TENM1: variants seen among roughly 807,000 people sequenced by gnomAD.
TENM1 encodes the protein teneurin-1.
In TENM1, 35 loss-of-function variants were observed where a neutral mutation model predicts 174.8. The observed-to-expected ratio is 0.20, with a 90% confidence interval of 0.15 to 0.27. TENM1 has a LOEUF of 0.27. TENM1 is among the 10% of genes least tolerant of loss of function. The pLI, the probability that TENM1 is intolerant of heterozygous loss-of-function variation, is 1.00. For missense variants in TENM1, 1,633 were observed against 2,130.1 expected (o/e 0.77, Z 4.59); for synonymous variants, 781 against 798.7 (o/e 0.98, Z 0.37).
chrX:125,166,875 A>G, the TENM1 span, among the ~76,000 whole-genome samples: 1 of 111,686 alleles, frequency 9.0e-6, no homozygotes, highest in Non-Finnish European at 1.9e-5. Flanking sequence ...AGATACCTAT[A>G]TAAAGCAAAC....
chrX:124,863,786 C>T (rs1296639593), intron 3 of TENM1, among the ~76,000 whole-genome samples: 5 of 112,476 alleles, frequency 4.4e-5, no homozygotes, highest in Admixed American at 9.4e-5. Context: ...TGGTTAAAGC[C>T]AGCCTTGGGT....
At chrX:124,478,505 G>A (rs941586383) in intron 22 of TENM1, among the ~76,000 whole-genome samples, 10 of 111,905 alleles carry the variant, frequency 8.9e-5, no homozygotes, top group Non-Finnish European at 1.7e-4. Context: ...TTTTAGAACA[G>A]ATTTAGAGAG....
chrX:124,656,834 C>G (rs1387709129), intron 6 of TENM1, among the ~76,000 whole-genome samples: 4 of 111,104 alleles, frequency 3.6e-5, no homozygotes, highest in African/African-American at 1.3e-4. Flanking sequence ...TTTTTTGAGG[C>G]CAGGTGCGGT....
intron 1 of TENM1, among the ~76,000 whole-genome samples, chrX:124,929,807 T>C (rs1014656721): frequency 8.9e-6 from 1 of 112,011 alleles, no homozygotes; most frequent in African/African-American, 3.2e-5. Flanking sequence ...ACTCTGAGAG[T>C]CAAAAATTAG....
chrX:124,946,273 T>G (rs1484789355), intron 1 of TENM1, among the ~76,000 whole-genome samples: 1 of 111,973 alleles, frequency 8.9e-6, no homozygotes, highest in African/African-American at 3.3e-5. Context: ...ACAGATATGT[T>G]AAGTTTGAGA....
rs145205665 is a variant in TENM1 at position 124,771,036 on chromosome X, G to C, written c.536-33839C>G. Among the ~76,000 whole-genome samples the C allele has an allele frequency of 6.6e-4, 73 of 111,350 alleles. No homozygotes were observed. In the East Asian group the frequency reaches 0.019, roughly 28 times the overall value. On this transcript the variant is annotated intron_variant, in intron 3 of 31. Coordinates refer to ENST00000422452, the Ensembl canonical transcript of TENM1. ...ACTTTTTCTTTGATTTAAAATTCTA[G>C]TTCTATATGTATAGTTATTATTTAT...
the TENM1 span, among the ~76,000 whole-genome samples, chrX:125,099,766 A>AT: frequency 8.9e-6 from 1 of 112,219 alleles, no homozygotes; most frequent in African/African-American, 3.2e-5. Flanking sequence ...CAACTCATAA[A>AT]TACAAAATCT....
chrX:124,423,334 T>G (rs909649111), intron 23 of TENM1, among the ~76,000 whole-genome samples: 1 of 112,001 alleles, frequency 8.9e-6, no homozygotes, highest in Admixed American at 9.5e-5. Context: ...GTTCCCCTTT[T>G]TAGCAAAGAA....
chrX:124,437,104 ATTTTTTT>A (rs35632932), intron 23 of TENM1, among the ~76,000 whole-genome samples: 5 of 34,915 alleles, frequency 1.4e-4, no homozygotes, highest in African/African-American at 4.9e-4. Flanking sequence ...TGCTCGGCTA[ATTTTTTT>A]TTTTTTTTTT....
At chrX:124,654,901 G>T (rs942670467) in intron 6 of TENM1, among the ~76,000 whole-genome samples, 1 of 111,502 alleles carries the variant, frequency 9.0e-6, no homozygotes, top group African/African-American at 3.3e-5. Flanking sequence ...TGCCCAAACA[G>T]CTCATATAGA....
intron 1 of TENM1, among the ~76,000 whole-genome samples, chrX:124,907,098 C>T (rs191631953): frequency 1.8e-4 from 20 of 111,634 alleles, no homozygotes; most frequent in African/African-American, 6.2e-4. Flanking sequence ...AAAGATGTTT[C>T]TAGAAAATAC....
chrX:124,530,255 T>C (rs1647683448), intron 15 of TENM1, among the ~76,000 whole-genome samples: 1 of 110,335 alleles, frequency 9.1e-6, no homozygotes, highest in African/African-American at 3.3e-5. Flanking sequence ...CCTTAATATA[T>C]CATTTTTGTT....
At chrX:125,073,326 T>C in the TENM1 span, among the ~76,000 whole-genome samples, 1 of 111,476 alleles carries the variant, frequency 9.0e-6, no homozygotes, top group Admixed American at 9.6e-5. Context: ...TAAAACGTAA[T>C]GGGTGATCAA....
rs1303051281 is a variant in TENM1 at position 124,638,199 on chromosome X, G to C, written c.2077+3592C>G. Among the ~76,000 whole-genome samples the C allele has an allele frequency of 2.7e-5, 3 of 111,042 alleles. No individual in the cohort carries two copies. The Admixed American group carries it at 2.9e-4, about 11-fold the overall frequency. On this transcript the variant is annotated intron_variant, in intron 11 of 31. Transcript: ENST00000422452. ...GAGAGAAGGAGGGGGCAACATACAG[G>C]CATGTTCATAATTACCCTTTTCCTC...
At chrX:124,847,556 ATG>A (rs370189803) in intron 3 of TENM1, among the ~76,000 whole-genome samples, 1 of 109,926 alleles carries the variant, frequency 9.1e-6, no homozygotes, top group Non-Finnish European at 1.9e-5. Flanking sequence ...AATTAATTGA[ATG>A]TGTGTGTGTG....
chrX:125,034,418 A>G, the TENM1 span, among the ~76,000 whole-genome samples: 1 of 111,336 alleles, frequency 9.0e-6, no homozygotes, highest in Non-Finnish European at 1.9e-5. Flanking sequence ...CAAGTTTGGG[A>G]CCTGTGCCTT....
intron 1 of TENM1, among the ~76,000 whole-genome samples, chrX:124,909,591 T>C (rs1364707328): frequency 2.7e-5 from 3 of 112,397 alleles, no homozygotes; most frequent in African/African-American, 9.7e-5. Context: ...TTTGAAGTAT[T>C]ATTCCACTCT....
chrX:125,151,022 T>C, the TENM1 span, among the ~76,000 whole-genome samples: 1 of 112,510 alleles, frequency 8.9e-6, no homozygotes, highest in Middle Eastern at 4.6e-3. Context: ...AAAGTCAAAG[T>C]TATCTTTAAA....
chrX:124,716,516 G>T (rs1023068129), intron 4 of TENM1, among the ~76,000 whole-genome samples: 1 of 112,250 alleles, frequency 8.9e-6, no homozygotes, highest in African/African-American at 3.2e-5. Flanking sequence ...ATTGTTACAG[G>T]TAAATAGGCA....
Sources: allele counts gnomAD v4.1 joint callset (sites outside exome capture counted in the v4.1 genomes callset), GRCh38; gene constraint gnomAD v4.1.1; transcripts MANE v1.5; gene names NCBI Gene and HGNC (gene_info 2026-07-23, HGNC 2026-07-21).